The following CALN1 variants were observed in gnomAD, a reference collection of about 807,000 sequenced individuals.
CALN1 encodes calcium-binding protein 8.
In CALN1, 17 loss-of-function variants were observed where a neutral mutation model predicts 30.6. The observed-to-expected ratio is 0.56, with a 90% confidence interval of 0.38 to 0.83. The LOEUF (loss-of-function observed/expected upper bound fraction) is 0.83. Ranked by LOEUF, CALN1 falls within the 40% of genes least tolerant of loss-of-function variation. The pLI is 0.00. For missense variants in CALN1, 291 were observed against 354.9 expected, an observed-to-expected ratio of 0.82 and a Z score of 1.45; for synonymous variants, 156 against 131.4, an observed-to-expected ratio of 1.19 and a Z score of -1.28.
chr7:72,048,322 A>G (rs1475731221), intron 4 of CALN1, among the ~76,000 whole-genome samples: 1 of 152,136 alleles, frequency 6.6e-6, no homozygotes, highest in African/African-American at 2.4e-5. Flanking sequence ...TACAGGCGTG[A>G]GCCACCACAC....
intron 2 of CALN1, among the ~76,000 whole-genome samples, chr7:72,301,159 T>C (rs1473905041): frequency 1.3e-5 from 2 of 151,786 alleles, no homozygotes; most frequent in African/African-American, 2.4e-5. Context: ...GGAAAGAAAG[T>C]GGAGGAGGGA....
chr7:72,015,701 C>T (rs1208469612), intron 5 of CALN1, among the ~76,000 whole-genome samples: 2 of 152,152 alleles, frequency 1.3e-5, no homozygotes, highest in Admixed American at 6.5e-5. Flanking sequence ...ACCTCTGCCT[C>T]CTAAAGTGCT....
rs1209060115 is a variant in CALN1 at position 72,339,851 on chromosome 7, A to G, written c.120-61041T>C. On this transcript the variant is annotated intron_variant, in intron 2 of 6. Coordinates refer to ENST00000395275, the MANE Select transcript of CALN1 (RefSeq NM_031468.4). ...AGCAGTATGGGGGAGACCTGTGCCCATGATTCAATTTCCTCCCAACAGATC... is the reference window on the plus strand; with the variant it reads ...AGCAGTATGGGGGAGACCTGTGCCCGTGATTCAATTTCCTCCCAACAGATC... Among the ~76,000 whole-genome samples, 8 of 152,204 alleles carry G rather than the reference A, an allele frequency of 5.3e-5. No individual in the cohort carries two copies. In the East Asian group the frequency reaches 1.3e-3, roughly 26 times the overall value.
intron 5 of CALN1, among the ~76,000 whole-genome samples, chr7:71,936,465 A>G (rs1481657433): frequency 1.3e-5 from 2 of 151,944 alleles, no homozygotes; most frequent in African/African-American, 4.8e-5. Context: ...CTGTACACCA[A>G]GCTGGAAGGG....
At chr7:72,276,626 T>A (rs1272768865) in intron 3 of CALN1, among the ~76,000 whole-genome samples, 2 of 152,028 alleles carry the variant, frequency 1.3e-5, no homozygotes, top group Non-Finnish European at 2.9e-5. Flanking sequence ...AATGTCATTA[T>A]CTCGGGGGGA....
At chr7:71,787,998 T>C in intron 6 of CALN1, 96 bp from the exon 7 acceptor site, 1 of 1,534,156 alleles carries the variant, frequency 6.5e-7, no homozygotes. Flanking sequence ...CAACTCTTCC[T>C]CAACAGGCCA....
chr7:72,063,212 C>T (rs994013925), intron 4 of CALN1, among the ~76,000 whole-genome samples: 1 of 152,086 alleles, frequency 6.6e-6, no homozygotes, highest in Non-Finnish European at 1.5e-5. Context: ...ATTCACAGAA[C>T]GGTACACCCT....
intron 6 of CALN1, among the ~76,000 whole-genome samples, chr7:71,788,477 G>A (rs1349664664): frequency 2.1e-5 from 3 of 144,862 alleles, no homozygotes; most frequent in Middle Eastern, 3.3e-3. Context: ...ATTACTAAGA[G>A]GTTTTTTTTT....
chr7:72,204,651 T>C (rs1387612491), intron 3 of CALN1, among the ~76,000 whole-genome samples: 1 of 152,180 alleles, frequency 6.6e-6, no homozygotes, highest in Non-Finnish European at 1.5e-5. Flanking sequence ...TGTTTCCTCA[T>C]GAGCATAATG....
At chr7:72,380,340 A>G (rs940106664) in intron 2 of CALN1, among the ~76,000 whole-genome samples, 2 of 152,230 alleles carry the variant, frequency 1.3e-5, no homozygotes, top group African/African-American at 2.4e-5. Context: ...ATTCCATCTT[A>G]AGAAACAGAG....
At chr7:72,399,505 G>A (rs144063718) in intron 2 of CALN1, among the ~76,000 whole-genome samples, 7 of 151,978 alleles carry the variant, frequency 4.6e-5, no homozygotes, top group Admixed American at 2.0e-4. Flanking sequence ...TCTTGACCTC[G>A]TGATCCACCC....
chr7:72,117,958 AAAAAAAAAAAAG>A (rs1388421717), intron 3 of CALN1, among the ~76,000 whole-genome samples: 1 of 81,916 alleles, frequency 1.2e-5, no homozygotes, highest in African/African-American at 6.4e-5. Flanking sequence ...ACACCGTCTC[AAAAAAAAAAAAG>A]AAAAAAAAAA....
chr7:71,810,452 A>G lies in CALN1; in HGVS notation c.542T>C (p.Ile181Thr). 6.2e-7 allele frequency: 1 copy of G among 1,614,062 alleles called. No homozygotes were observed. The highest frequency in any genetic ancestry group is 8.5e-7 in the Non-Finnish European group (1 of 1,179,976). The change falls in exon 6 of 7, where the codon ATT (isoleucine) becomes ACT (threonine). Residue 181 changes from isoleucine to threonine, a missense_variant. Transcript: ENST00000395275. ...QRITLEELKH[I>T]LYHAFRDHLT... Reference sequence around the variant, plus strand: ...GTGGTCTCGGAAGGCATGATAGAGAATGTGCTTCAACTCTTCCAGAGTTAT... The same window carrying G: ...GTGGTCTCGGAAGGCATGATAGAGAGTGTGCTTCAACTCTTCCAGAGTTAT...
At chr7:72,165,879 G>A (rs934648846) in intron 3 of CALN1, among the ~76,000 whole-genome samples, 2 of 152,038 alleles carry the variant, frequency 1.3e-5, no homozygotes, top group Non-Finnish European at 2.9e-5. Flanking sequence ...AATTCAGATG[G>A]AAACCCTTGA....
chr7:72,031,734 A>AGTTTTTTT (rs1562993226), intron 4 of CALN1, among the ~76,000 whole-genome samples: 1 of 114,684 alleles, frequency 8.7e-6, no homozygotes, highest in African/African-American at 3.4e-5. Flanking sequence ...CGCCTGGCTA[A>AGTTTTTTT]TTTTTTTTTT....
At chr7:71,890,312 C>T (rs1032152120) in intron 5 of CALN1, among the ~76,000 whole-genome samples, 2 of 152,102 alleles carry the variant, frequency 1.3e-5, no homozygotes, top group Non-Finnish European at 2.9e-5. Context: ...GGCACATCAG[C>T]CATGACAAAT....
intron 5 of CALN1, among the ~76,000 whole-genome samples, chr7:71,859,296 CA>C (rs1486115418): frequency 6.6e-5 from 10 of 152,160 alleles, no homozygotes; most frequent in African/African-American, 2.2e-4. Flanking sequence ...CTCCTGACCT[CA>C]AGCAATCTGC....
intron 3 of CALN1, among the ~76,000 whole-genome samples, chr7:72,262,284 A>C (rs547557202): frequency 6.9e-4 from 105 of 152,330 alleles, no homozygotes; most frequent in African/African-American, 2.4e-3. Context: ...GAAGGCCTGC[A>C]TATGCAGCCA....
chr7:72,353,252 C>CTA (rs1160955929), intron 2 of CALN1, among the ~76,000 whole-genome samples: 1 of 127,344 alleles, frequency 7.9e-6, no homozygotes, highest in Non-Finnish European at 1.8e-5. Context: ...TATGAGGCTA[C>CTA]TGTCTCTCTG....
Sources: gnomAD v4.1 joint callset for allele counts (sites outside exome capture counted in the v4.1 genomes callset) on GRCh38, gnomAD v4.1.1 for gene constraint, MANE v1.5 for transcripts, NCBI Gene and HGNC (gene_info 2026-07-23, HGNC 2026-07-21) for gene names.